The following FAM135A variants were observed in gnomAD, a reference collection of about 807,000 sequenced individuals.
The protein encoded by FAM135A is protein FAM135A.
In FAM135A, 79 loss-of-function variants were observed where a neutral mutation model predicts 146.8. That is an observed-to-expected ratio of 0.54 (90% CI 0.45 to 0.65). The LOEUF is 0.65. Among genes scored for constraint, FAM135A ranks in the 30% least tolerant of loss-of-function variants. The pLI is 0.00. For missense variants in FAM135A, 1,623 were observed against 1,758.2 expected (o/e 0.92, Z 1.38); for synonymous variants, 562 against 603.6 (o/e 0.93, Z 1.01).
At chr6:70,474,270 T>C (rs535770245) in intron 5 of FAM135A, among the ~76,000 whole-genome samples, 1 of 138,884 alleles carries the variant, frequency 7.2e-6, no homozygotes, top group African/African-American at 3.1e-5. Context: ...TTCTTTTTCT[T>C]TTTCTTTTTC....
intron 19 of FAM135A, among the ~76,000 whole-genome samples, 164 bp from the exon 20 acceptor site, chr6:70,538,127 T>G (rs1293421976): frequency 1.3e-5 from 2 of 152,230 alleles, no homozygotes; most frequent in African/African-American, 2.4e-5. Flanking sequence ...ATAAATGTTA[T>G]CGGAACATGG....
At chr6:70,520,460 T>C (rs1793314169) in intron 12 of FAM135A, among the ~76,000 whole-genome samples, 1 of 152,172 alleles carries the variant, frequency 6.6e-6, no homozygotes, top group Non-Finnish European at 1.5e-5. Flanking sequence ...AATACTGTGT[T>C]AGCAATTTGA....
intron 8 of FAM135A, among the ~76,000 whole-genome samples, chr6:70,478,449 G>T (rs568177517): frequency 6.6e-6 from 1 of 152,182 alleles, no homozygotes; most frequent in South Asian, 2.1e-4. Context: ...GATGCTTAAG[G>T]GATATGATGG....
intron 9 of FAM135A, 131 bp from the exon 10 acceptor site, chr6:70,481,870 C>T: frequency 4.2e-5 from 35 of 838,536 alleles, no homozygotes; most frequent in South Asian, 3.3e-4. Context: ...CAAATATTAC[C>T]ACATTTTTTA....
chr6:70,542,278 C>CACACACACACA (rs1424633787), intron 20 of FAM135A, among the ~76,000 whole-genome samples: 70 of 106,824 alleles, frequency 6.6e-4, no homozygotes, highest in African/African-American at 2.3e-3. Flanking sequence ...ACACACACAC[C>CACACACACACA]CTTTGCTGTG....
intron 2 of FAM135A, among the ~76,000 whole-genome samples, chr6:70,424,245 G>C (rs938953016): frequency 6.6e-6 from 1 of 152,180 alleles, no homozygotes; most frequent in Non-Finnish European, 1.5e-5. Context: ...CCTGCTTCTT[G>C]CTACTGCAGG....
chr6:70,477,747 C>A (rs1182774661), intron 8 of FAM135A, among the ~76,000 whole-genome samples: 1 of 152,058 alleles, frequency 6.6e-6, no homozygotes, highest in Non-Finnish European at 1.5e-5. Context: ...AACATGAGAG[C>A]CTTATTAATG....
rs1801670853 is a variant in FAM135A at position 70,560,209 on chromosome 6, T to G, written c.*288T>G. On this transcript the variant is annotated 3_prime_UTR_variant, in exon 22 of 22. Transcript: ENST00000418814. ...GAAACTTTAAGCCCATACCTGTGTC[T>G]GATTGTTTATTATTGGCTTTCCACA... 3.8e-6 allele frequency: 1 copy of G among 265,160 alleles called. No homozygotes were observed. Among genetic ancestry groups the G allele is most frequent in the South Asian group, 5.5e-5 (1 of 18,150 alleles). 16.4% of individuals were successfully genotyped at this position (265,160 alleles called of 1,614,324 possible).
At chr6:70,528,200 G>T in intron 15 of FAM135A, 92 bp from the exon 16 acceptor site, 1 of 1,227,644 alleles carries the variant, frequency 8.1e-7, no homozygotes, top group East Asian at 2.5e-5. Context: ...AAATATTGTT[G>T]GGTTTCCACT....
intron 20 of FAM135A, among the ~76,000 whole-genome samples, chr6:70,556,417 A>G (rs557373619): frequency 6.6e-6 from 1 of 152,320 alleles, no homozygotes; most frequent in Non-Finnish European, 1.5e-5. Flanking sequence ...ATATTGATGA[A>G]TACCTTTTGG....
intron 5 of FAM135A, among the ~76,000 whole-genome samples, chr6:70,474,998 C>G (rs527357289): frequency 1.8e-3 from 277 of 152,272 alleles, no homozygotes; most frequent in African/African-American, 6.1e-3. Flanking sequence ...TTCTCAGAAA[C>G]TGGAGACAAA....
In FAM135A at chr6:70,523,834, T is replaced by G. The variant is rs1023981437; in HGVS notation, c.1104-133T>G. ...CAGTTTTTATCGCTGACCAAGCAGC[T>G]CTCTCATAAGAAGGTTATGTCTTGC... is the stretch of plus-strand genomic sequence containing the variant. On this transcript the variant is annotated intron_variant, in intron 13 of 21. Coordinates refer to ENST00000418814, the MANE Select transcript of FAM135A (RefSeq NM_001162529.3). 9.3e-6 allele frequency: 7 copies of G among 751,424 alleles called. No individual in the cohort carries two copies. In the African/African-American group the frequency reaches 1.3e-4, roughly 14 times the overall value. The allele number at this position is 751,424 out of a possible 1,614,324, so 46.5% of individuals were successfully genotyped here.
In FAM135A at chr6:70,560,659, G is replaced by A. The variant is rs1801740425; in HGVS notation, c.*738G>A. 1 of 152,524 alleles carries A rather than the reference G, an allele frequency of 6.6e-6. No homozygotes were observed. The highest frequency in any genetic ancestry group is 1.5e-5 in the Non-Finnish European group (1 of 67,976). The allele number at this position is 152,524 out of a possible 1,614,324, so 9.4% of individuals were successfully genotyped here. ...TTTGAATGCCCTCTGCCTTGATTTG[G>A]TTGGAATTTTTGCTAAATTGGTAAT... On this transcript the variant is annotated 3_prime_UTR_variant, in exon 22 of 22. Transcript: ENST00000418814.
At chr6:70,520,995 A>T (rs1793444487) in intron 12 of FAM135A, among the ~76,000 whole-genome samples, 1 of 152,352 alleles carries the variant, frequency 6.6e-6, no homozygotes, top group South Asian at 2.1e-4. Flanking sequence ...TCACAGGTTT[A>T]TCGCCTACTA....
intron 8 of FAM135A, among the ~76,000 whole-genome samples, chr6:70,478,958 A>G (rs1343418252): frequency 3.3e-5 from 5 of 152,174 alleles, no homozygotes; most frequent in Admixed American, 2.0e-4. Context: ...AATAATATAC[A>G]GTATTGCTTT....
At chr6:70,557,874 G>A (rs566787797) in intron 21 of FAM135A, among the ~76,000 whole-genome samples, 1 of 152,150 alleles carries the variant, frequency 6.6e-6, no homozygotes, top group South Asian at 2.1e-4. Context: ...TGCCTAACAT[G>A]CTGCCTGCTA....
At chr6:70,526,944 A>G (rs1425091155) in intron 15 of FAM135A, among the ~76,000 whole-genome samples, 2 of 152,036 alleles carry the variant, frequency 1.3e-5, no homozygotes, top group African/African-American at 2.4e-5. Flanking sequence ...ACAGACCTAT[A>G]GTTGCTGAAT....
intron 20 of FAM135A, among the ~76,000 whole-genome samples, chr6:70,550,484 G>A (rs767357688): frequency 5.3e-5 from 8 of 152,206 alleles, no homozygotes; most frequent in African/African-American, 1.9e-4. Context: ...TCTTGGTTGA[G>A]TAGGGGGATT....
Position 70,426,545 on chromosome 6 carries a change from CT to C in FAM135A, c.-40+19del, listed in dbSNP as rs938550721. The C allele has an allele frequency of 4.4e-4, 67 of 152,106 alleles. No individual in the cohort carries two copies. The highest frequency in any genetic ancestry group is 1.5e-3 in the African/African-American group (63 of 41,408). 9.4% of individuals were successfully genotyped at this position (152,106 alleles called of 1,614,324 possible). ...TTGAAAAGCAGAGGTAAGAATATAA[CT>C]TTTTTGCACTTAATTCTTAATAGAT... On this transcript the variant is annotated intron_variant, in intron 3 of 21. Coordinates refer to ENST00000418814, the MANE Select transcript of FAM135A (RefSeq NM_001162529.3).
Sources: allele counts gnomAD v4.1 joint callset (sites outside exome capture counted in the v4.1 genomes callset), GRCh38; gene constraint gnomAD v4.1.1; transcripts MANE v1.5; gene names NCBI Gene and HGNC (gene_info 2026-07-23, HGNC 2026-07-21).